RBFOX1: variants seen among roughly 807,000 people sequenced by gnomAD.
RBFOX1 encodes RNA binding protein fox-1 homolog 1.
Under a neutral mutation model 57.7 loss-of-function variants are expected in RBFOX1, and 8 were observed. The observed-to-expected ratio is 0.14, with a 90% confidence interval of 0.08 to 0.25. RBFOX1 has a LOEUF of 0.25. Ranked by LOEUF, RBFOX1 falls within the 10% of genes least tolerant of loss-of-function variation. The pLI, the probability that RBFOX1 is intolerant of heterozygous loss-of-function variation, is 1.00. For synonymous variants in RBFOX1, 326 were observed against 222.4 expected (o/e 1.47, Z -4.15); for missense variants, 611 against 548.5 (o/e 1.11, Z -1.14).
At chr16:5,561,726 C>G (rs1400122419) in intron 2 of RBFOX1, among the ~76,000 whole-genome samples, 1 of 152,160 alleles carries the variant, frequency 6.6e-6, no homozygotes, top group Non-Finnish European at 1.5e-5. Flanking sequence ...GTCCCCAGGA[C>G]TTACTGGGCA....
intron 3 of RBFOX1, among the ~76,000 whole-genome samples, chr16:6,731,784 T>C (rs752893085): frequency 2.0e-5 from 3 of 152,124 alleles, no homozygotes; most frequent in Non-Finnish European, 2.9e-5. Flanking sequence ...ATTTCTCCAT[T>C]TCTCCCTTCC....
rs533693306 is a variant in RBFOX1, at chr16:7,124,987, C to T, written c.27+72889C>T. Reference sequence around the variant, plus strand: ...GGACTGGAAAGTATGTGTCTGCTCACGGACTGAGAGGTAGACATTTACATA... The same window carrying T: ...GGACTGGAAAGTATGTGTCTGCTCATGGACTGAGAGGTAGACATTTACATA... On this transcript the variant is annotated intron_variant, in intron 4 of 15. Transcript: ENST00000550418. Among the ~76,000 whole-genome samples, 9 of 152,196 alleles carry T rather than the reference C, an allele frequency of 5.9e-5. No homozygotes were observed. The East Asian group carries it at 7.7e-4, about 13-fold the overall frequency.
intron 4 of RBFOX1, among the ~76,000 whole-genome samples, chr16:7,154,685 TTGTGTGTGTGTGTG>T (rs56742260): frequency 6.4e-4 from 92 of 143,218 alleles, no homozygotes; most frequent in East Asian, 1.9e-3. Context: ...CCCTCTTCCT[TTGTGTGTGTGTGTG>T]TGTGTGTGTG....
chr16:6,534,388 G>A (rs940782443), intron 2 of RBFOX1, among the ~76,000 whole-genome samples: 2 of 152,076 alleles, frequency 1.3e-5, no homozygotes, highest in African/African-American at 4.8e-5. Flanking sequence ...ATTGGCCTAT[G>A]GGGATGGAAT....
At chr16:5,706,658 G>A (rs1029833146) in intron 3 of RBFOX1, among the ~76,000 whole-genome samples, 11 of 152,136 alleles carry the variant, frequency 7.2e-5, no homozygotes, top group Non-Finnish European at 1.3e-4. Flanking sequence ...GGAAAATAAC[G>A]TTGCAATTCC....
intron 3 of RBFOX1, among the ~76,000 whole-genome samples, chr16:6,662,453 G>T (rs1392026699): frequency 6.6e-6 from 1 of 152,112 alleles, no homozygotes; most frequent in Non-Finnish European, 1.5e-5. Flanking sequence ...GAGAGATGTG[G>T]AATAGAAGAG....
At position 5,897,016 on chromosome 16, in the gene RBFOX1, C is replaced by CTTTTT. The variant is rs575235024; in HGVS notation, c.351+29707_351+29711dup. On this transcript the variant is annotated intron_variant, in intron 4 of 19. Transcript: ENST00000641259. ...CCCCCACTAAAAATGTATCCATCCG[C>CTTTTT]TTTTTTTTTTTTTTTTTTTTTTTTT... 9.7e-4 allele frequency among the ~76,000 whole-genome samples: 55 copies of CTTTTT among 56,466 alleles called. 10 individuals carry two copies. The highest frequency in any genetic ancestry group is 2.5e-3 in the African/African-American group (33 of 13,014). 37.0% of individuals were successfully genotyped at this position (56,466 alleles called of 152,430 possible). A position where few individuals can be genotyped will look rare whatever the true frequency, so the allele number is the denominator to read the frequency against.
intron 3 of RBFOX1, among the ~76,000 whole-genome samples, chr16:6,987,099 A>G (rs866018303): frequency 1.3e-5 from 2 of 152,114 alleles, no homozygotes; most frequent in Admixed American, 6.5e-5. Context: ...AGCAGCTTCC[A>G]TTTATCAGCG....
At chr16:6,959,927 A>C (rs1027899439) in intron 3 of RBFOX1, among the ~76,000 whole-genome samples, 1 of 152,044 alleles carries the variant, frequency 6.6e-6, no homozygotes, top group African/African-American at 2.4e-5. Flanking sequence ...CAAGAGCGAA[A>C]CTCCATCTCA....
At chr16:5,735,757 A>G (rs2052547819) in intron 3 of RBFOX1, among the ~76,000 whole-genome samples, 1 of 151,944 alleles carries the variant, frequency 6.6e-6, no homozygotes, top group African/African-American at 2.4e-5. Flanking sequence ...GGCGGCTGTA[A>G]TCCTGCTACT....
chr16:7,315,500 G>A (rs1229403675), intron 4 of RBFOX1, among the ~76,000 whole-genome samples: 1 of 148,912 alleles, frequency 6.7e-6, no homozygotes, highest in African/African-American at 2.4e-5. Context: ...TTACAAATGT[G>A]AAAGTTTTAG....
intron 2 of RBFOX1, among the ~76,000 whole-genome samples, chr16:6,450,858 T>C (rs8059734): frequency 5.1e-5 from 5 of 97,582 alleles, no homozygotes; most frequent in Non-Finnish European, 1.0e-4. Context: ...TATATATATA[T>C]ATATATATAT....
At chr16:5,850,568 A>G (rs192827318) in intron 3 of RBFOX1, among the ~76,000 whole-genome samples, 1 of 152,202 alleles carries the variant, frequency 6.6e-6, no homozygotes. Context: ...ATGCATTATG[A>G]CAGCAGACAC....
chr16:7,250,394 T>C (rs890121586), intron 4 of RBFOX1, among the ~76,000 whole-genome samples: 1 of 152,220 alleles, frequency 6.6e-6, no homozygotes, highest in African/African-American at 2.4e-5. Flanking sequence ...AGCTTAATGA[T>C]ATAAAGCCAT....
intron 2 of RBFOX1, among the ~76,000 whole-genome samples, chr16:6,318,683 G>A (rs1450660118): frequency 6.6e-6 from 1 of 151,988 alleles, no homozygotes; most frequent in East Asian, 1.9e-4. Context: ...ATTAGTACAT[G>A]GATGTAAGGG....
intron 3 of RBFOX1, among the ~76,000 whole-genome samples, chr16:6,964,709 C>G (rs1048123396): frequency 1.3e-5 from 2 of 152,288 alleles, no homozygotes; most frequent in African/African-American, 2.4e-5. Context: ...AAGGGTGTCT[C>G]TGATGAGGTA....
At chr16:7,381,303 C>T (rs2097778506) in intron 4 of RBFOX1, among the ~76,000 whole-genome samples, 1 of 152,024 alleles carries the variant, frequency 6.6e-6, no homozygotes, top group Non-Finnish European at 1.5e-5. Context: ...CATAATATTG[C>T]CTTATTGTGC....
At chr16:5,904,470 C>G (rs1335232409) in intron 4 of RBFOX1, among the ~76,000 whole-genome samples, 3 of 151,756 alleles carry the variant, frequency 2.0e-5, no homozygotes, top group Admixed American at 6.6e-5. Flanking sequence ...CGCTAAAAGC[C>G]TCTGAGAGAG....
intron 3 of RBFOX1, among the ~76,000 whole-genome samples, chr16:5,763,953 T>C (rs1392290127): frequency 1.3e-5 from 2 of 152,228 alleles, no homozygotes; most frequent in African/African-American, 4.8e-5. Flanking sequence ...TTTATTCACC[T>C]GTTTACTCGT....
Sources: gnomAD v4.1 joint callset for allele counts (sites outside exome capture counted in the v4.1 genomes callset) on GRCh38, gnomAD v4.1.1 for gene constraint, MANE v1.5 for transcripts, NCBI Gene and HGNC (gene_info 2026-07-23, HGNC 2026-07-21) for gene names.